The following TRIM22 variants were observed in gnomAD, a reference collection of about 807,000 sequenced individuals.
TRIM22 encodes the protein E3 ubiquitin-protein ligase TRIM22.
TRIM22 carries 45 observed loss-of-function variants against 53.6 expected under a neutral mutation model. The ratio of observed to expected loss-of-function variants is 0.84; its 90% confidence interval spans 0.66 to 1.08. The LOEUF (loss-of-function observed/expected upper bound fraction) is 1.08. Among genes scored for constraint, TRIM22 ranks in the 50% least tolerant of loss-of-function variants. The pLI is 0.00. For missense variants in TRIM22, 616 were observed against 590.9 expected (o/e 1.04, Z -0.44); for synonymous variants, 225 against 216.6 (o/e 1.04, Z -0.34).
intron 4 of TRIM22, among the ~76,000 whole-genome samples, chr11:5,703,845 C>T (rs1398798228): frequency 6.6e-6 from 1 of 152,068 alleles, no homozygotes; most frequent in East Asian, 1.9e-4. Context: ...CATGAACAGA[C>T]ATTTATCCAA....
chr11:5,708,125 G>C, intron 5 of TRIM22, 48 bp from the exon 6 acceptor site: 2 of 1,444,400 alleles, frequency 1.4e-6, no homozygotes, highest in Non-Finnish European at 1.9e-6. Flanking sequence ...CTTGGATGGA[G>C]AGAAATAGGG....
chr11:5,699,480 C>T (rs558883611), intron 4 of TRIM22, among the ~76,000 whole-genome samples: 3 of 108,430 alleles, frequency 2.8e-5, no homozygotes, highest in Admixed American at 1.1e-4. Flanking sequence ...ACCGAGATTG[C>T]GCCACTGCAG....
At position 5,709,707 on chromosome 11, in the gene TRIM22, T is replaced by C. The variant is rs1017377966; in HGVS notation, c.*59T>C. The C allele has an allele frequency of 3.6e-6, 5 of 1,390,872 alleles. No homozygotes were observed. Among genetic ancestry groups the C allele is most frequent in the Non-Finnish European group, 5.0e-6 (5 of 1,009,650 alleles). The allele number at this position is 1,390,872 out of a possible 1,614,324, so 86.2% of individuals were successfully genotyped here. On this transcript the variant is annotated 3_prime_UTR_variant, in exon 8 of 8. Coordinates refer to ENST00000379965, the MANE Select transcript of TRIM22 (RefSeq NM_006074.5). ...AGCCCTTGTGCTGAGACTCAGATTC[T>C]GCACCTGAGTTCATCTCTACTGAGA...
chr11:5,699,138 T>A (rs1853321059), intron 4 of TRIM22, among the ~76,000 whole-genome samples: 1 of 152,250 alleles, frequency 6.6e-6, no homozygotes, highest in South Asian at 2.1e-4. Flanking sequence ...TATTTTCCAG[T>A]TAGGGACTAT....
At chr11:5,694,881 A>G (rs971012735) in intron 1 of TRIM22, among the ~76,000 whole-genome samples, 1 of 152,126 alleles carries the variant, frequency 6.6e-6, no homozygotes, top group African/African-American at 2.4e-5. Context: ...GTTAGGATGT[A>G]AACACTTCTT....
chr11:5,702,408 T>C (rs1853388833), intron 4 of TRIM22, among the ~76,000 whole-genome samples: 1 of 147,196 alleles, frequency 6.8e-6, no homozygotes, highest in Non-Finnish European at 1.5e-5. Context: ...ATTTGAAATA[T>C]AAAAATATTT....
At chr11:5,707,297 G>T (rs559461777) in intron 5 of TRIM22, among the ~76,000 whole-genome samples, 3 of 152,010 alleles carry the variant, frequency 2.0e-5, no homozygotes, top group East Asian at 3.9e-4. Flanking sequence ...TATTCTCTAG[G>T]TCTCATATTG....
rs1273300283 is a variant in TRIM22 at position 5,710,154 on chromosome 11, A to G, written c.*506A>G. ...AGGTATTGGGAATAAAAACTCCAAC[A>G]TATAAATTTGAGGAAGGCACGATTT... is the stretch of plus-strand genomic sequence containing the variant. On this transcript the variant is annotated 3_prime_UTR_variant, in exon 8 of 8. Coordinates refer to ENST00000379965, the MANE Select transcript of TRIM22 (RefSeq NM_006074.5). 2.0e-5 allele frequency: 3 copies of G among 152,870 alleles called. No individual in the cohort carries two copies. Among genetic ancestry groups the G allele is most frequent in the African/African-American group, 7.2e-5 (3 of 41,468 alleles). 9.5% of individuals were successfully genotyped at this position (152,870 alleles called of 1,614,324 possible).
At chr11:5,692,865 T>G (rs954130225) in intron 1 of TRIM22, among the ~76,000 whole-genome samples, 10 of 147,850 alleles carry the variant, frequency 6.8e-5, no homozygotes, top group African/African-American at 2.2e-4. Flanking sequence ...GCCACACTAA[T>G]TTAATTTAAT....
At chr11:5,708,298 T>C in intron 6 of TRIM22, 25 bp downstream of exon 6, 1 of 1,596,200 alleles carries the variant, frequency 6.3e-7, no homozygotes, top group Non-Finnish European at 8.6e-7. Flanking sequence ...GGGAAGGCTG[T>C]GAATGTGGAT....
At chr11:5,695,578 C>A (rs1320413390) in intron 1 of TRIM22, among the ~76,000 whole-genome samples, 1 of 109,938 alleles carries the variant, frequency 9.1e-6, no homozygotes, top group African/African-American at 3.3e-5. Context: ...TTTTTTTTTT[C>A]AGGTGATAAA....
At position 5,707,621 on chromosome 11, in the gene TRIM22, C is replaced by A. The variant is rs144833329; in HGVS notation, c.774-552C>A. ...GGTCAGAAGTTCAAAACCAGCCTGGCCAACATGGTGAAACCCTGTCTCTAC... is the reference window on the plus strand; with the variant it reads ...GGTCAGAAGTTCAAAACCAGCCTGGACAACATGGTGAAACCCTGTCTCTAC... On this transcript the variant is annotated intron_variant, in intron 5 of 7. Coordinates refer to ENST00000379965, the MANE Select transcript of TRIM22 (RefSeq NM_006074.5). Among the ~76,000 whole-genome samples the A allele has an allele frequency of 3.9e-3, 590 of 152,210 alleles. 3 individuals are homozygous for A. The highest frequency in any genetic ancestry group is 0.013 in the African/African-American group (528 of 41,508).
rs192405337 is a variant in TRIM22, at chr11:5,696,749, T to A, written c.423+94T>A. On this transcript the variant is annotated intron_variant, in intron 2 of 7. Transcript: ENST00000379965. The stretch of plus-strand genomic sequence containing the variant: ...TTTTTGTCCTGCTTTATTCCCCTTG[T>A]CACCATAGAACGGAGAGCCCTGTGA... The A allele has an allele frequency of 1.1e-4, 147 of 1,354,492 alleles. No homozygotes were observed. The African/African-American group carries it at 2.0e-3, about 19-fold the overall frequency. The allele number at this position is 1,354,492 out of a possible 1,614,324, so 83.9% of individuals were successfully genotyped here.
chr11:5,709,174 T>C lies in TRIM22; in HGVS notation c.1023T>C (p.Ala341=). 6.2e-7 allele frequency: 1 copy of C among 1,614,210 alleles called. No homozygotes were observed. Among genetic ancestry groups the C allele is most frequent in the Non-Finnish European group, 8.5e-7 (1 of 1,180,028 alleles). The change falls in exon 8 of 8, where the codon GCT becomes GCC. Residue 341 remains alanine, a synonymous_variant. Coordinates refer to ENST00000379965, the MANE Select transcript of TRIM22 (RefSeq NM_006074.5). The part of the protein sequence containing the change: ...FKNSNPCDFS[A]FGVFGCQYFS... ...ATTCAAATCCATGTGATTTTTCTGCTTTTGGTGTCTTCGGCTGCCAATATT... is the reference window on the plus strand; with the variant it reads ...ATTCAAATCCATGTGATTTTTCTGCCTTTGGTGTCTTCGGCTGCCAATATT...
rs1853515587 is a variant in TRIM22 at position 5,709,159 on chromosome 11, A to G, written c.1008A>G (p.Pro336=). 1 of 1,614,152 alleles carries G rather than the reference A, an allele frequency of 6.2e-7. No individual in the cohort carries two copies. The highest frequency in any genetic ancestry group is 2.2e-5 in the East Asian group (1 of 44,882). The change falls in exon 8 of 8, where the codon CCA becomes CCG. Residue 336 remains proline (P), a synonymous_variant. Coordinates refer to ENST00000379965, the MANE Select transcript of TRIM22 (RefSeq NM_006074.5). ...CCTGCACATTTAAGAATTCAAATCC[A>G]TGTGATTTTTCTGCTTTTGGTGTCT... The part of the protein sequence containing the change: ...VRTCTFKNSN[P]CDFSAFGVFG...
Position 5,708,246 on chromosome 11 carries a change from C to A in TRIM22, c.847C>A (p.Leu283Met). The change falls in exon 6 of 8, where the codon CTG becomes ATG. Residue 283 changes from leucine (L) to methionine (M), a missense_variant. Coordinates refer to ENST00000379965, the MANE Select transcript of TRIM22 (RefSeq NM_006074.5). ...AAAGAGTGTATTCCGAGTACCAGAT[C>A]TGAGTGGGATGCTGCAAGTTCTTAA... ...KLKSVFRVPD[L>M]SGMLQVLKEL... is the part of the protein sequence containing the mutation. The A allele has an allele frequency of 6.2e-7, 1 of 1,614,126 alleles. No homozygotes were observed. Among genetic ancestry groups the A allele is most frequent in the Non-Finnish European group, 8.5e-7 (1 of 1,179,984 alleles).
chr11:5,699,258 C>G (rs1853323042), intron 4 of TRIM22, among the ~76,000 whole-genome samples: 1 of 128,476 alleles, frequency 7.8e-6, no homozygotes, highest in South Asian at 2.3e-4. Context: ...GGCGCGGTGG[C>G]TCACGCCTGT....
chr11:5,696,743 C>A, intron 2 of TRIM22, 88 bp downstream of exon 2: 1 of 1,379,254 alleles, frequency 7.3e-7, no homozygotes, highest in Non-Finnish European at 9.8e-7. Context: ...TGCTTTATTC[C>A]CCTTGTCACC....
chr11:5,696,127 A>G, intron 1 of TRIM22, 40 bp from the exon 2 acceptor site: 7 of 1,006,160 alleles, frequency 7.0e-6, no homozygotes, highest in Non-Finnish European at 1.0e-5. Flanking sequence ...TATTCTTTCT[A>G]TTCCTTCTTT....
Sources: gnomAD v4.1 joint callset for allele counts (sites outside exome capture counted in the v4.1 genomes callset) on GRCh38, gnomAD v4.1.1 for gene constraint, MANE v1.5 for transcripts, NCBI Gene and HGNC (gene_info 2026-07-23, HGNC 2026-07-21) for gene names.